Variants in MAFF observed in about 807,000 individuals in gnomAD.
MAFF encodes the protein MAF bZIP transcription factor F, also known as transcription factor MafF.
MAFF carries 4 observed loss-of-function variants against 2.7 expected under a neutral mutation model. That is an observed-to-expected ratio of 1.48 (90% confidence interval 0.73 to 3.39). The LOEUF (loss-of-function observed/expected upper bound fraction) is 3.39, where lower values mean the gene tolerates loss of function less well. Among genes scored for constraint, MAFF ranks in the 30% most tolerant of loss-of-function variants. MAFF has a pLI of 0.01. For synonymous variants in MAFF, 113 were observed against 119.4 expected, an observed-to-expected ratio of 0.95 and a Z score of 0.35; for missense variants, 190 against 246.6, an observed-to-expected ratio of 0.77 and a Z score of 1.54.
At chr22:38,204,764 A>C (rs2091039287) in intron 1 of MAFF, among the ~76,000 whole-genome samples, 1 of 152,184 alleles carries the variant, frequency 6.6e-6, no homozygotes, top group Non-Finnish European at 1.5e-5. Context: ...ATCTGTTAGC[A>C]TACGATCCTG....
At chr22:38,206,271 G>T (rs1389138999) in intron 1 of MAFF, among the ~76,000 whole-genome samples, 5 of 151,604 alleles carry the variant, frequency 3.3e-5, no homozygotes, top group Admixed American at 2.6e-4. Flanking sequence ...TGTGTGGTTA[G>T]TGATGTCTCT....
chr22:38,210,661 T>TGTCC lies in MAFF; in HGVS notation c.-31-3162_-31-3161insGTCC, dbSNP rs1555888487. 2.2e-5 allele frequency among the ~76,000 whole-genome samples: 3 copies of TGTCC among 136,078 alleles called. No homozygotes were observed. The East Asian group carries it at 6.5e-4, about 30-fold the overall frequency. 89.3% of individuals were successfully genotyped at this position (136,078 alleles called of 152,430 possible). Reference sequence around the variant, plus strand: ...GTGTGTGTGTGTGTGTGTGTGTGTGTCCGTGTGTGTATCAGGGGTTGCAAA... The same window carrying TGTCC: ...GTGTGTGTGTGTGTGTGTGTGTGTGTGTCCCCGTGTGTGTATCAGGGGTTGCAAA... On this transcript the variant is annotated intron_variant, in intron 1 of 2. Coordinates refer to ENST00000338483, the MANE Select transcript of MAFF (RefSeq NM_012323.4).
At chr22:38,205,206 C>T (rs778017954) in intron 1 of MAFF, 5 of 152,204 alleles carry the variant, frequency 3.3e-5, no homozygotes, top group African/African-American at 1.2e-4. Flanking sequence ...ACCTTAGGCT[C>T]GGAGGACGTT....
In MAFF at chr22:38,214,390, C is replaced by A; in HGVS notation, c.37-30C>A. The A allele has an allele frequency of 6.4e-7, 1 of 1,556,602 alleles. No individual in the cohort carries two copies. On this transcript the variant is annotated intron_variant, in intron 2 of 2. Transcript: ENST00000338483. This position sits in a 1 kb window ranked among gnomAD's most constrained non-coding sequence, Gnocchi z 6.3. Reference sequence around the variant, plus strand: ...GGAGCGGGGGGGCCCGTCCCCAGTCCCCTGGACCTCAGTTTCCTCATGCCC... The same window carrying A: ...GGAGCGGGGGGGCCCGTCCCCAGTCACCTGGACCTCAGTTTCCTCATGCCC...
At chr22:38,204,642 G>C (rs1306618235) in intron 1 of MAFF, among the ~76,000 whole-genome samples, 1 of 152,172 alleles carries the variant, frequency 6.6e-6, no homozygotes, top group Non-Finnish European at 1.5e-5. Context: ...CCAAAAGCGA[G>C]CAAATCCTTC....
chr22:38,214,281 G>T lies in MAFF; in HGVS notation c.37-139G>T. On this transcript the variant is annotated intron_variant, in intron 2 of 2. Transcript: ENST00000338483. This position sits in a 1 kb window ranked among gnomAD's most constrained non-coding sequence, Gnocchi z 6.3. ...TAGTCTGGCCCGGTTTCCCCTTCCC[G>T]GATTCCTGCTCCCCTTCGGGGTTTT... 1 of 848,824 alleles carries T rather than the reference G, an allele frequency of 1.2e-6. No homozygotes were observed. Among genetic ancestry groups the T allele is most frequent in the Non-Finnish European group, 1.8e-6 (1 of 566,996 alleles). 52.6% of individuals were successfully genotyped at this position (848,824 alleles called of 1,614,324 possible). A position where few individuals can be genotyped will look rare whatever the true frequency, so the allele number is the denominator to read the frequency against.
chr22:38,203,770 G>A (rs1394250966), intron 1 of MAFF: 5 of 152,268 alleles, frequency 3.3e-5, no homozygotes, highest in African/African-American at 4.8e-5. Context: ...CGGACCCTCA[G>A]TATTCCCATC....
chr22:38,214,510 G>T lies in MAFF; in HGVS notation c.127G>T (p.Gly43Trp). The change falls in exon 3 of 3, where the codon GGG (glycine) becomes TGG (tryptophan). Residue 43 changes from glycine to tryptophan, a missense_variant. Gly to Trp is a radical substitution (Grantham distance 184). This residue lies in a region of MAFF where 87 missense variants were observed against 143.6 expected (regional missense o/e 0.61). Transcript: ENST00000338483. The surrounding 1 kb of genome is among the most constrained non-coding windows in gnomAD (Gnocchi z 6.3). The stretch of plus-strand genomic sequence containing the variant: ...GCGCGAGCTGAACCGGCATCTGCGC[G>T]GGCTCTCCGCCGAGGAGGTGACACG... Reference protein sequence around the residue: ...SVRELNRHLRGLSAEEVTRLK... With the variant: ...SVRELNRHLRWLSAEEVTRLK... The T allele has an allele frequency of 6.2e-7, 1 of 1,610,506 alleles. No homozygotes were observed. Among genetic ancestry groups the T allele is most frequent in the Non-Finnish European group, 8.5e-7 (1 of 1,179,646 alleles).
chr22:38,211,826 G>C lies in MAFF; in HGVS notation c.-31-1997G>C, dbSNP rs117463560. On this transcript the variant is annotated intron_variant, in intron 1 of 2. Coordinates refer to ENST00000338483, the MANE Select transcript of MAFF (RefSeq NM_012323.4). ...GTCCTGCCAGAATGTGTCAGAGGCTGAGCCAACCCGTGAGGTCAACCCTGT... is the reference window on the plus strand; with the variant it reads ...GTCCTGCCAGAATGTGTCAGAGGCTCAGCCAACCCGTGAGGTCAACCCTGT... 1.9e-4 allele frequency among the ~76,000 whole-genome samples: 29 copies of C among 152,306 alleles called. No individual in the cohort carries two copies. The East Asian group carries it at 5.6e-3, about 29-fold the overall frequency.
chr22:38,214,839 C>G lies in MAFF; in HGVS notation c.456C>G (p.His152Gln), dbSNP rs925672122. 3.3e-5 allele frequency: 50 copies of G among 1,497,998 alleles called. No individual in the cohort carries two copies. Among genetic ancestry groups the G allele is most frequent in the Non-Finnish European group, 4.3e-5 (48 of 1,126,676 alleles). The allele number at this position is 1,497,998 out of a possible 1,614,324, so 92.8% of individuals were successfully genotyped here. The part of the protein sequence containing the change: ...STPGSGSGPA[H>Q]GPDPAHGPAS... Reference sequence around the variant, plus strand: ...CGGGCTCGGGGTCTGGCCCCGCCCACGGCCCGGACCCCGCCCACGGCCCGG... The same window carrying G: ...CGGGCTCGGGGTCTGGCCCCGCCCAGGGCCCGGACCCCGCCCACGGCCCGG... The change falls in exon 3 of 3, where the codon CAC (histidine) becomes CAG (glutamine). Residue 152 changes from histidine (H) to glutamine (Q), a missense_variant. By Grantham distance (24) the His-to-Gln change is conservative. Around this residue, in one of 2 missense-constraint regions of MAFF, gnomAD observed 103 missense variants for 103.0 expected, o/e 1.00. Coordinates refer to ENST00000338483, the MANE Select transcript of MAFF (RefSeq NM_012323.4). The surrounding 1 kb of genome is among the most constrained non-coding windows in gnomAD (Gnocchi z 6.3).
At chr22:38,207,412 T>C (rs533063813) in intron 1 of MAFF, among the ~76,000 whole-genome samples, 4 of 137,432 alleles carry the variant, frequency 2.9e-5, no homozygotes, top group Non-Finnish European at 4.6e-5. Flanking sequence ...TGAGCCACCT[T>C]GCTTGGCCAT....
chr22:38,208,668 C>T (rs2091072268), intron 1 of MAFF, among the ~76,000 whole-genome samples: 1 of 152,208 alleles, frequency 6.6e-6, no homozygotes, highest in Non-Finnish European at 1.5e-5. Context: ...AGAGCTGACT[C>T]AGCCTCTCCC....
At position 38,214,356 on chromosome 22, in the gene MAFF, A is replaced by G; in HGVS notation, c.37-64A>G. On this transcript the variant is annotated intron_variant, in intron 2 of 2. Coordinates refer to ENST00000338483, the MANE Select transcript of MAFF (RefSeq NM_012323.4). The surrounding 1 kb of genome is among the most constrained non-coding windows in gnomAD (Gnocchi z 6.3). ...GCGGCTAAGGCGGTGAAAGAGGAAC[A>G]CCGCGGGTGGAGCGGGGGGGCCCGT... 6.9e-7 allele frequency: 1 copy of G among 1,445,118 alleles called. No individual in the cohort carries two copies. 89.5% of individuals were successfully genotyped at this position (1,445,118 alleles called of 1,614,324 possible). A position where few individuals can be genotyped will look rare whatever the true frequency, so the allele number is the denominator to read the frequency against.
At chr22:38,209,836 G>A (rs1490276921) in intron 1 of MAFF, among the ~76,000 whole-genome samples, 8 of 139,304 alleles carry the variant, frequency 5.7e-5, no homozygotes, top group South Asian at 2.2e-4. Flanking sequence ...AAAAAAAAAA[G>A]GGAAAAAAAA....
Position 38,215,894 on chromosome 22 carries a change from AACACTGTCC to A in MAFF, c.*1023_*1031del, listed in dbSNP as rs1208391190. On this transcript the variant is annotated 3_prime_UTR_variant, in exon 3 of 3. Coordinates refer to ENST00000338483, the MANE Select transcript of MAFF (RefSeq NM_012323.4). ...GAAGCCCAGTCTCAGTCCCTCCCCC[AACACTGTCC>A]ACACTGCCCCTCCCCACTGTTTATT... 6.0e-6 allele frequency: 1 copy of A among 167,078 alleles called. No individual in the cohort carries two copies. Among genetic ancestry groups the A allele is most frequent in the African/African-American group, 2.4e-5 (1 of 41,414 alleles). 10.3% of individuals were successfully genotyped at this position (167,078 alleles called of 1,614,324 possible).
At chr22:38,209,514 T>C (rs2091080830) in intron 1 of MAFF, among the ~76,000 whole-genome samples, 1 of 151,954 alleles carries the variant, frequency 6.6e-6, no homozygotes, top group African/African-American at 2.4e-5. Flanking sequence ...GGGTGACCAC[T>C]TAAGAGGCCT....
chr22:38,212,580 G>A (rs1197015968), intron 1 of MAFF, among the ~76,000 whole-genome samples: 3 of 152,192 alleles, frequency 2.0e-5, no homozygotes, highest in African/African-American at 4.8e-5. Context: ...GTTGTTGAAG[G>A]AGCATGTGGC....
chr22:38,214,865 C>T lies in MAFF; in HGVS notation c.482C>T (p.Ala161Val). ...AHGPDPAHGP[A>V]SCS ...GGCCCGGACCCCGCCCACGGCCCGG[C>T]CTCCTGCTCCTAGTGCCCGCCCCCG... The change falls in exon 3 of 3, where the codon GCC becomes GTC. Residue 161 changes from alanine (A) to valine (V), a missense_variant. Ala to Val is a moderately conservative substitution (Grantham distance 64). Coordinates refer to ENST00000338483, the MANE Select transcript of MAFF (RefSeq NM_012323.4). This position sits in a 1 kb window ranked among gnomAD's most constrained non-coding sequence, Gnocchi z 6.3. 6.6e-7 allele frequency: 1 copy of T among 1,507,536 alleles called. No individual in the cohort carries two copies. Among genetic ancestry groups the T allele is most frequent in the Non-Finnish European group, 8.9e-7 (1 of 1,128,444 alleles). 93.4% of individuals were successfully genotyped at this position (1,507,536 alleles called of 1,614,324 possible). A position where few individuals can be genotyped will look rare whatever the true frequency, so the allele number is the denominator to read the frequency against.
intron 1 of MAFF, among the ~76,000 whole-genome samples, chr22:38,207,423 C>CTTTTTTTTTTTTTT: frequency 1.3e-5 from 1 of 78,298 alleles, no homozygotes; most frequent in Non-Finnish European, 2.3e-5. Flanking sequence ...GCTTGGCCAT[C>CTTTTTTTTTTTTTT]TTTTTTTTTT....
Sources: allele counts gnomAD v4.1 joint callset (sites outside exome capture counted in the v4.1 genomes callset), GRCh38; gene constraint gnomAD v4.1.1; regional missense constraint gnomAD v4.1.1; non-coding constraint Gnocchi (gnomAD v3.1); transcripts MANE v1.5; gene names NCBI Gene and HGNC (gene_info 2026-07-23, HGNC 2026-07-21).